The following MDGA2 variants were observed in gnomAD, a reference collection of about 807,000 sequenced individuals.
The protein encoded by MDGA2 is MAM domain-containing glycosylphosphatidylinositol anchor protein 2.
In MDGA2, 40 loss-of-function variants were observed where a neutral mutation model predicts 117.8. The observed-to-expected ratio is 0.34, with a 90% CI of 0.26 to 0.44. MDGA2 has a LOEUF of 0.44. Ranked by LOEUF, MDGA2 falls within the 20% of genes least tolerant of loss-of-function variation. MDGA2 has a pLI of 1.00. For synonymous variants in MDGA2, 452 were observed against 439.0 expected (o/e 1.03, Z -0.37); for missense variants, 1,123 against 1,250.6 (o/e 0.90, Z 1.54).
rs538914792 is a variant in MDGA2 at position 47,031,670 on chromosome 14, A to T, written c.1819+3341T>A. 7.2e-5 allele frequency among the ~76,000 whole-genome samples: 11 copies of T among 152,314 alleles called. No individual in the cohort carries two copies. The South Asian group carries it at 1.9e-3, about 26-fold the overall frequency. On this transcript the variant is annotated intron_variant, in intron 8 of 16. Transcript: ENST00000399232. ...AGTGTTGGAAGTGATGCCTGGTGGTAGGTGATTGGATCTTGGTGTGGGATT... is the reference window on the plus strand; with the variant it reads ...AGTGTTGGAAGTGATGCCTGGTGGTTGGTGATTGGATCTTGGTGTGGGATT...
intron 1 of MDGA2, among the ~76,000 whole-genome samples, chr14:47,529,244 A>C (rs1464463655): frequency 6.6e-6 from 1 of 152,182 alleles, no homozygotes; most frequent in Admixed American, 6.5e-5. Flanking sequence ...GTTTATTTTC[A>C]GATAACCATC....
chr14:47,397,946 G>C (rs972175215), intron 1 of MDGA2, among the ~76,000 whole-genome samples: 8 of 152,074 alleles, frequency 5.3e-5, no homozygotes, highest in African/African-American at 1.9e-4. Context: ...CAATTACATA[G>C]CACTTACTAT....
chr14:46,982,738 C>CAAAAAAAAAAAAAAAAA (rs1566558888), intron 8 of MDGA2, among the ~76,000 whole-genome samples: 1 of 120,272 alleles, frequency 8.3e-6, no homozygotes, highest in African/African-American at 3.1e-5. Flanking sequence ...AAAAAAAAAT[C>CAAAAAAAAAAAAAAAAA]ATGTCATCTG....
chr14:46,865,344 T>C (rs1466823527), intron 14 of MDGA2, among the ~76,000 whole-genome samples: 1 of 152,126 alleles, frequency 6.6e-6, no homozygotes, highest in Non-Finnish European at 1.5e-5. Flanking sequence ...TCAACAACGC[T>C]TCATGCTAAA....
At chr14:46,984,805 A>C (rs183269211) in intron 8 of MDGA2, among the ~76,000 whole-genome samples, 146 of 152,146 alleles carry the variant, frequency 9.6e-4, no homozygotes, top group African/African-American at 3.4e-3. Context: ...ATTTATACTT[A>C]ATTTTCCACT....
intron 3 of MDGA2, among the ~76,000 whole-genome samples, chr14:47,172,210 T>TG (rs1884181129): frequency 6.6e-6 from 1 of 152,280 alleles, no homozygotes; most frequent in African/African-American, 2.4e-5. Context: ...GCCCCGCCTC[T>TG]GGGGGCAGGG....
At chr14:47,544,590 T>C (rs1761732165) in intron 1 of MDGA2, among the ~76,000 whole-genome samples, 2 of 152,126 alleles carry the variant, frequency 1.3e-5, no homozygotes. Context: ...ATGCTATTGG[T>C]TGGTTTATTT....
At chr14:47,536,440 G>A (rs945776801) in intron 1 of MDGA2, among the ~76,000 whole-genome samples, 4 of 152,150 alleles carry the variant, frequency 2.6e-5, no homozygotes, top group African/African-American at 9.7e-5. Context: ...GAAGTATGGA[G>A]GTAACTGTGA....
chr14:46,860,866 CA>C (rs1436325591), intron 14 of MDGA2, among the ~76,000 whole-genome samples: 10 of 151,994 alleles, frequency 6.6e-5, no homozygotes, highest in African/African-American at 2.2e-4. Context: ...ATGCTGTACA[CA>C]TTTTACTTTC....
intron 6 of MDGA2, among the ~76,000 whole-genome samples, chr14:47,091,127 G>A (rs1879630154): frequency 6.6e-6 from 1 of 152,122 alleles, no homozygotes; most frequent in South Asian, 2.1e-4. Context: ...GATTGAGTAT[G>A]GACATGGAAT....
intron 1 of MDGA2, among the ~76,000 whole-genome samples, chr14:47,583,014 T>C (rs1041912961): frequency 1.3e-4 from 20 of 151,872 alleles, no homozygotes; most frequent in African/African-American, 4.6e-4. Flanking sequence ...GCTTAAGATA[T>C]TTCTTCTAAA....
intron 1 of MDGA2, among the ~76,000 whole-genome samples, chr14:47,561,075 C>T (rs562522604): frequency 3.3e-5 from 5 of 151,264 alleles, no homozygotes; most frequent in African/African-American, 9.7e-5. Context: ...TATTGTGCCA[C>T]GCTATTTTGG....
chr14:47,333,598 A>T (rs1372384702), intron 1 of MDGA2, among the ~76,000 whole-genome samples: 1 of 151,904 alleles, frequency 6.6e-6, no homozygotes, highest in African/African-American at 2.4e-5. Context: ...TACAGAAATA[A>T]TTTTTAAAGT....
At chr14:47,474,009 G>C (rs139348460) in intron 1 of MDGA2, among the ~76,000 whole-genome samples, 9 of 152,182 alleles carry the variant, frequency 5.9e-5, no homozygotes, top group African/African-American at 1.7e-4. Context: ...ATAAATAAAG[G>C]GTATTCAAAT....
intron 1 of MDGA2, among the ~76,000 whole-genome samples, chr14:47,668,590 T>C (rs992222775): frequency 1.3e-5 from 2 of 152,226 alleles, no homozygotes; most frequent in South Asian, 4.1e-4. Context: ...TGCAATATTT[T>C]ATTGTTTGCT....
intron 1 of MDGA2, among the ~76,000 whole-genome samples, chr14:47,647,232 G>T (rs1270684086): frequency 6.6e-6 from 1 of 152,070 alleles, no homozygotes; most frequent in African/African-American, 2.4e-5. Flanking sequence ...ACATTTTGGA[G>T]GCTCACCTTA....
intron 7 of MDGA2, 71 bp downstream of exon 7, chr14:47,061,178 C>G (rs1053071218): frequency 1.5e-6 from 2 of 1,371,820 alleles, no homozygotes; most frequent in African/African-American, 2.9e-5. Flanking sequence ...TAACTAAAAC[C>G]TACTTGATCT....
chr14:47,217,955 A>G, intron 3 of MDGA2, 66 bp downstream of exon 3: 4 of 1,308,150 alleles, frequency 3.1e-6, no homozygotes, highest in Non-Finnish European at 4.1e-6. Context: ...TCAGAAAACC[A>G]TAGACTTGTA....
chr14:47,298,851 ATT>A (rs1039902811), intron 2 of MDGA2, among the ~76,000 whole-genome samples: 2 of 151,100 alleles, frequency 1.3e-5, no homozygotes, highest in Non-Finnish European at 1.5e-5. Context: ...CGTCCGGCTA[ATT>A]TTTTTTGCAT....
Sources: gnomAD v4.1 joint callset for allele counts (sites outside exome capture counted in the v4.1 genomes callset) on GRCh38, gnomAD v4.1.1 for gene constraint, MANE v1.5 for transcripts, NCBI Gene and HGNC (gene_info 2026-07-23, HGNC 2026-07-21) for gene names.